Variants in VWA3B observed in about 807,000 individuals in gnomAD.
VWA3B encodes von Willebrand factor A domain containing 3B.
Under a neutral mutation model 158.3 loss-of-function variants are expected in VWA3B, and 138 were observed. The observed-to-expected ratio is 0.87, with a 90% CI of 0.76 to 1.00. The LOEUF is 1.00. Among genes scored for constraint, VWA3B ranks in the 50% least tolerant of loss-of-function variants. The probability of loss-of-function intolerance (pLI) is 0.00; values close to 1 mark genes in which losing one functional copy is unlikely to be tolerated. For synonymous variants in VWA3B, 596 were observed against 587.3 expected (o/e 1.01, Z -0.21); for missense variants, 1,555 against 1,565.1 (o/e 0.99, Z 0.11).
intron 20 of VWA3B, among the ~76,000 whole-genome samples, chr2:98,250,986 G>A (rs892979819): frequency 6.6e-6 from 1 of 152,064 alleles, no homozygotes; most frequent in African/African-American, 2.4e-5. Flanking sequence ...TGTAGTCCCA[G>A]CTACTTGGGA....
intron 7 of VWA3B, among the ~76,000 whole-genome samples, chr2:98,151,759 G>A (rs1056979537): frequency 1.3e-5 from 2 of 152,140 alleles, no homozygotes; most frequent in African/African-American, 2.4e-5. Flanking sequence ...TATAAAAATC[G>A]GAATAATAAC....
At chr2:98,214,367 T>A (rs1335314494) in intron 13 of VWA3B, among the ~76,000 whole-genome samples, 3 of 152,192 alleles carry the variant, frequency 2.0e-5, no homozygotes, top group Admixed American at 2.0e-4. Flanking sequence ...CATCACATTC[T>A]GTTATATGAA....
chr2:98,149,949 AT>A (rs1677490147), intron 7 of VWA3B, among the ~76,000 whole-genome samples: 1 of 152,242 alleles, frequency 6.6e-6, no homozygotes, highest in South Asian at 2.1e-4. Context: ...TTTGATACTC[AT>A]TGGTAAGTAG....
chr2:98,265,931 AT>A (rs1388099492), intron 21 of VWA3B, among the ~76,000 whole-genome samples: 2 of 117,992 alleles, frequency 1.7e-5, no homozygotes, highest in African/African-American at 3.3e-5. Flanking sequence ...TTCATTGTAG[AT>A]TCTGGATATT....
Position 98,231,065 on chromosome 2 carries a change from G to A in VWA3B, c.2308+858G>A, listed in dbSNP as rs13425602. ...TCCAAATAAAATAAAATAATTAGGT[G>A]AACATGTAACGAAGTATGTGCAGAA... On this transcript the variant is annotated intron_variant, in intron 16 of 27. Transcript: ENST00000477737. Among the ~76,000 whole-genome samples the A allele has an allele frequency of 5.7e-3, 872 of 152,194 alleles. 8 individuals are homozygous for A. The highest frequency in any genetic ancestry group is 0.02 in the African/African-American group (837 of 41,512).
chr2:98,230,991 T>C (rs1215924988), intron 16 of VWA3B, among the ~76,000 whole-genome samples: 1 of 152,234 alleles, frequency 6.6e-6, no homozygotes. Context: ...CATTTTGATA[T>C]ACTAACAGTG....
At chr2:98,158,302 A>G (rs1678267470) in intron 7 of VWA3B, among the ~76,000 whole-genome samples, 1 of 152,162 alleles carries the variant, frequency 6.6e-6, no homozygotes. Flanking sequence ...TCCAGTTGGC[A>G]AAGTCAGCCG....
intron 7 of VWA3B, among the ~76,000 whole-genome samples, chr2:98,144,620 G>A (rs1215915541): frequency 2.0e-5 from 3 of 150,934 alleles, no homozygotes; most frequent in Non-Finnish European, 2.9e-5. Context: ...AGGCTGTAGT[G>A]CAGTGGTGTG....
At position 98,128,533 on chromosome 2, in the gene VWA3B, A is replaced by G. The variant is rs116850955; in HGVS notation, c.872+125A>G. The G allele has an allele frequency of 5.6e-3, 5,277 of 936,552 alleles. 193 individuals carry two copies. In the East Asian group the frequency reaches 0.093, roughly 17 times the overall value. 58.0% of individuals were successfully genotyped at this position (936,552 alleles called of 1,614,324 possible). On this transcript the variant is annotated intron_variant, in intron 6 of 27. Transcript: ENST00000477737. The stretch of plus-strand genomic sequence containing the variant: ...TGCTGTGTTCTCCTCTTTCCAGTAT[A>G]TTATTTAGTCTCTCTGCATCTTTTC...
At chr2:98,206,172 G>A (rs553868126) in intron 12 of VWA3B, 1 of 152,914 alleles carries the variant, frequency 6.5e-6, no homozygotes, top group Non-Finnish European at 1.5e-5. Flanking sequence ...TGTGGGTCAT[G>A]TCTGCTGCCT....
intron 2 of VWA3B, among the ~76,000 whole-genome samples, chr2:98,107,908 G>A (rs1015801767): frequency 1.3e-5 from 2 of 151,186 alleles, no homozygotes; most frequent in African/African-American, 4.9e-5. Context: ...TGCTTGTTTG[G>A]GTTTATTTTG....
intron 26 of VWA3B, among the ~76,000 whole-genome samples, chr2:98,306,196 C>G (rs909725130): frequency 7.1e-6 from 1 of 139,992 alleles, no homozygotes. Flanking sequence ...AGCACCCTAG[C>G]CCCCCCAGGT....
chr2:98,148,982 G>A (rs1677393274), intron 7 of VWA3B, among the ~76,000 whole-genome samples: 1 of 152,180 alleles, frequency 6.6e-6, no homozygotes, highest in South Asian at 2.1e-4. Context: ...TCTAAGGGGA[G>A]TGCACATGTG....
intron 2 of VWA3B, among the ~76,000 whole-genome samples, chr2:98,096,248 C>T (rs780623936): frequency 2.6e-5 from 4 of 151,334 alleles, no homozygotes; most frequent in Non-Finnish European, 5.9e-5. Context: ...GCCATTCAGT[C>T]GTGGGCTTTT....
intron 7 of VWA3B, among the ~76,000 whole-genome samples, chr2:98,145,862 G>A (rs975148103): frequency 6.6e-6 from 1 of 152,054 alleles, no homozygotes; most frequent in African/African-American, 2.4e-5. Context: ...TGGGACTACA[G>A]GCACGTGCCA....
intron 21 of VWA3B, among the ~76,000 whole-genome samples, chr2:98,257,643 A>G (rs1687238898): frequency 6.6e-6 from 1 of 151,982 alleles, no homozygotes. Flanking sequence ...GATGTTAAAC[A>G]TCTTTTCATG....
At chr2:98,272,829 A>G (rs1688286908) in intron 22 of VWA3B, among the ~76,000 whole-genome samples, 1 of 152,208 alleles carries the variant, frequency 6.6e-6, no homozygotes, top group Non-Finnish European at 1.5e-5. Flanking sequence ...TCATAAATGG[A>G]CCAATGCCAT....
rs1353859275 is a variant in VWA3B at position 98,313,073 on chromosome 2, T to C, written c.*724T>C. 6.6e-6 allele frequency: 1 copy of C among 152,160 alleles called. No individual in the cohort carries two copies. The highest frequency in any genetic ancestry group is 2.4e-5 in the African/African-American group (1 of 41,422). The allele number at this position is 152,160 out of a possible 1,614,324, so 9.4% of individuals were successfully genotyped here. A position where few individuals can be genotyped will look rare whatever the true frequency, so the allele number is the denominator to read the frequency against. ...GCTCCATCAAATTTCGTTTTTCTAG[T>C]CGGTAAGATCCCTGAGGCTAGATGA... On this transcript the variant is annotated 3_prime_UTR_variant, in exon 28 of 28. Transcript: ENST00000477737.
chr2:98,234,670 C>T lies in VWA3B; in HGVS notation c.2331C>T (p.Leu777=). ...LHAESTKTSL[L]RSQMSSLRSS... is the part of the protein sequence containing the mutation. ...CAGAATCAACCAAAACCAGCCTGCTCAGAAGCCAGATGTCCTCCCTCAGGA... is the reference window on the plus strand; with the variant it reads ...CAGAATCAACCAAAACCAGCCTGCTTAGAAGCCAGATGTCCTCCCTCAGGA... Residue 777 remains leucine, a synonymous_variant, in exon 17 of 28, where the codon CTC becomes CTT. Transcript: ENST00000477737. The T allele has an allele frequency of 6.2e-7, 1 of 1,614,192 alleles. No individual in the cohort carries two copies. Among genetic ancestry groups the T allele is most frequent in the South Asian group, 1.1e-5 (1 of 91,084 alleles).
Sources: allele counts gnomAD v4.1 joint callset (sites outside exome capture counted in the v4.1 genomes callset), GRCh38; gene constraint gnomAD v4.1.1; transcripts MANE v1.5; gene names NCBI Gene and HGNC (gene_info 2026-07-23, HGNC 2026-07-21).